The following GABRB1 variants were observed in gnomAD, a reference collection of about 807,000 sequenced individuals.
GABRB1 encodes gamma-aminobutyric acid type A receptor subunit beta1.
A neutral mutation model predicts 51.6 loss-of-function variants in GABRB1; 17 were observed. That is an observed-to-expected ratio of 0.33 (90% CI 0.23 to 0.49). The LOEUF is 0.49. Ranked by LOEUF, GABRB1 falls within the 20% of genes least tolerant of loss-of-function variation. The pLI is 0.99. For synonymous variants in GABRB1, 247 were observed against 218.9 expected (o/e 1.13, Z -1.14); for missense variants, 410 against 600.6 (o/e 0.68, Z 3.32).
At chr4:47,187,412 T>C (rs1376165364) in intron 4 of GABRB1, among the ~76,000 whole-genome samples, 1 of 151,918 alleles carries the variant, frequency 6.6e-6, no homozygotes, top group African/African-American at 2.4e-5. Context: ...GTTGGAACCA[T>C]CATTTCTTGC....
chr4:47,389,531 G>A (rs1727914696), intron 5 of GABRB1, among the ~76,000 whole-genome samples: 1 of 152,204 alleles, frequency 6.6e-6, no homozygotes, highest in Non-Finnish European at 1.5e-5. Flanking sequence ...CATTCAAACA[G>A]TGGGTTATCA....
intron 3 of GABRB1, among the ~76,000 whole-genome samples, chr4:47,038,996 G>T (rs879396673): frequency 2.0e-5 from 3 of 152,092 alleles, no homozygotes; most frequent in Non-Finnish European, 2.9e-5. Flanking sequence ...ATTTCATGAA[G>T]TTCCTTGACT....
At chr4:47,031,230 C>G (rs192977355), upstream of GABRB1, 111 of 179,502 alleles carry the variant, frequency 6.2e-4, no homozygotes, top group African/African-American at 2.4e-3. Flanking sequence ...TCCAGAGTCC[C>G]CGTTCTAGGA....
At chr4:47,247,335 T>A (rs1349126628) in intron 4 of GABRB1, among the ~76,000 whole-genome samples, 1 of 152,140 alleles carries the variant, frequency 6.6e-6, no homozygotes, top group Non-Finnish European at 1.5e-5. Flanking sequence ...GCTGTAAGTA[T>A]TTGGGTTTAT....
intron 3 of GABRB1, among the ~76,000 whole-genome samples, chr4:47,035,209 T>C (rs929085988): frequency 3.3e-5 from 5 of 152,140 alleles, no homozygotes; most frequent in Non-Finnish European, 7.4e-5. Context: ...TAAAATATAA[T>C]CCCTGATTGG....
intron 4 of GABRB1, among the ~76,000 whole-genome samples, chr4:47,174,624 T>G (rs953654277): frequency 6.6e-6 from 1 of 152,024 alleles, no homozygotes; most frequent in African/African-American, 2.4e-5. Context: ...TTAGATGATT[T>G]TTTTTTTACT....
At position 47,297,607 on chromosome 4, in the gene GABRB1, T is replaced by C. The variant is rs1211318444; in HGVS notation, c.462-22520T>C. Among the ~76,000 whole-genome samples, 8 of 152,194 alleles carry C rather than the reference T, an allele frequency of 5.3e-5. No individual in the cohort carries two copies. In the South Asian group the frequency reaches 1.5e-3, roughly 28 times the overall value. On this transcript the variant is annotated intron_variant, in intron 4 of 8. Coordinates refer to ENST00000295454, the MANE Select transcript of GABRB1 (RefSeq NM_000812.4). ...CCAATAACAGGCTCTGAAATTGTGGTAATAATCAATAGCTTACCAACCAAA... is the reference window on the plus strand; with the variant it reads ...CCAATAACAGGCTCTGAAATTGTGGCAATAATCAATAGCTTACCAACCAAA...
intron 3 of GABRB1, among the ~76,000 whole-genome samples, chr4:47,086,431 C>A (rs1180565443): frequency 6.6e-6 from 1 of 152,068 alleles, no homozygotes; most frequent in African/African-American, 2.4e-5. Context: ...TTTACATATT[C>A]TTTTATATTA....
chr4:47,287,056 T>C (rs1284587873), intron 4 of GABRB1, among the ~76,000 whole-genome samples: 1 of 152,186 alleles, frequency 6.6e-6, no homozygotes, highest in African/African-American at 2.4e-5. Context: ...CAGAGTATGT[T>C]CTGTGAGCTA....
At chr4:47,038,081 G>A (rs1177345395) in intron 3 of GABRB1, among the ~76,000 whole-genome samples, 1 of 152,068 alleles carries the variant, frequency 6.6e-6, no homozygotes, top group African/African-American at 2.4e-5. Flanking sequence ...TAAAAACTTA[G>A]ATATTAAAGA....
intron 4 of GABRB1, among the ~76,000 whole-genome samples, chr4:47,281,135 A>G (rs1034761290): frequency 6.6e-6 from 1 of 152,182 alleles, no homozygotes; most frequent in Non-Finnish European, 1.5e-5. Flanking sequence ...CAATATTTAC[A>G]AACCATTTAT....
At chr4:47,419,808 A>C (rs2110066228) in intron 8 of GABRB1, among the ~76,000 whole-genome samples, 1 of 152,358 alleles carries the variant, frequency 6.6e-6, no homozygotes, top group East Asian at 1.9e-4. Flanking sequence ...TTTTGCAGCC[A>C]GGAAATATGC....
chr4:47,317,541 C>A (rs1427736282), intron 4 of GABRB1, among the ~76,000 whole-genome samples: 2 of 151,680 alleles, frequency 1.3e-5, no homozygotes, highest in Non-Finnish European at 3.0e-5. Context: ...ATCATAGGAA[C>A]AGAAAGCATA....
intron 3 of GABRB1, among the ~76,000 whole-genome samples, chr4:47,106,286 A>G (rs997572202): frequency 3.9e-5 from 6 of 152,078 alleles, no homozygotes; most frequent in Non-Finnish European, 8.8e-5. Context: ...ATTGAACAAC[A>G]CAGTGAAGAC....
chr4:47,124,323 C>T (rs1373920002), intron 3 of GABRB1, among the ~76,000 whole-genome samples: 1 of 152,078 alleles, frequency 6.6e-6, no homozygotes, highest in Non-Finnish European at 1.5e-5. Context: ...ACCTGCTCAA[C>T]TGCAATCCTG....
At chr4:47,146,306 C>T (rs1053025315) in intron 3 of GABRB1, among the ~76,000 whole-genome samples, 1 of 151,724 alleles carries the variant, frequency 6.6e-6, no homozygotes, top group African/African-American at 2.4e-5. Flanking sequence ...TTCTTTTTTT[C>T]CCCCTCTCTC....
In GABRB1 at chr4:47,426,110, G is replaced by A; in HGVS notation, c.*92G>A. 9.6e-7 allele frequency: 1 copy of A among 1,037,580 alleles called. No homozygotes were observed. The highest frequency in any genetic ancestry group is 1.4e-6 in the Non-Finnish European group (1 of 717,688). 64.3% of individuals were successfully genotyped at this position (1,037,580 alleles called of 1,614,324 possible). ...CAACAGCGATACTGCTGTTTCTCGAGGTAAGAGATTCAGCCATCCAATTGG... is the reference window on the plus strand; with the variant it reads ...CAACAGCGATACTGCTGTTTCTCGAAGTAAGAGATTCAGCCATCCAATTGG... On this transcript the variant is annotated 3_prime_UTR_variant, in exon 9 of 9. Coordinates refer to ENST00000295454, the MANE Select transcript of GABRB1 (RefSeq NM_000812.4).
chr4:47,013,242 T>G (rs2109442227), intron 1 of GABRB1, among the ~76,000 whole-genome samples: 1 of 152,268 alleles, frequency 6.6e-6, no homozygotes, highest in Non-Finnish European at 1.5e-5. Context: ...TGTTCCCATC[T>G]CTCTACATAC....
intron 3 of GABRB1, among the ~76,000 whole-genome samples, chr4:47,046,606 C>A (rs548780142): frequency 6.6e-6 from 1 of 152,040 alleles, no homozygotes; most frequent in East Asian, 1.9e-4. Flanking sequence ...GATCTCATGA[C>A]ATAGCAGAGA....
Sources: gnomAD v4.1 joint callset for allele counts (sites outside exome capture counted in the v4.1 genomes callset) on GRCh38, gnomAD v4.1.1 for gene constraint, MANE v1.5 for transcripts, NCBI Gene and HGNC (gene_info 2026-07-23, HGNC 2026-07-21) for gene names.